Variants in ATAD2B observed in about 807,000 individuals in gnomAD.
ATAD2B encodes ATPase family AAA domain-containing protein 2B.
ATAD2B carries 40 observed loss-of-function variants against 167.6 expected under a neutral mutation model. The observed-to-expected ratio is 0.24, with a 90% CI of 0.19 to 0.31. The LOEUF (loss-of-function observed/expected upper bound fraction) is 0.31. ATAD2B is among the 10% of genes least tolerant of loss of function. ATAD2B has a pLI of 1.00. For missense variants in ATAD2B, 1,242 were observed against 1,757.2 expected (o/e 0.71, Z 5.24); for synonymous variants, 579 against 596.5 (o/e 0.97, Z 0.43).
chr2:23,723,207 C>A, the ATAD2B span, among the ~76,000 whole-genome samples: 1 of 152,104 alleles, frequency 6.6e-6, no homozygotes, highest in Non-Finnish European at 1.5e-5. Flanking sequence ...ATGTGAGAAT[C>A]ACCTGAGGCC....
chr2:23,881,214 G>A (rs1697835418), intron 6 of ATAD2B, among the ~76,000 whole-genome samples: 1 of 152,164 alleles, frequency 6.6e-6, no homozygotes, highest in South Asian at 2.1e-4. Flanking sequence ...TGTTGGCAGT[G>A]TAATGATTTG....
At chr2:23,844,379 G>A (rs1399091186) in intron 13 of ATAD2B, among the ~76,000 whole-genome samples, 4 of 149,038 alleles carry the variant, frequency 2.7e-5, no homozygotes, top group Admixed American at 6.7e-5. Flanking sequence ...CACTCAACAA[G>A]GTAAAAGTTA....
intron 22 of ATAD2B, among the ~76,000 whole-genome samples, chr2:23,781,555 C>G (rs1399011729): frequency 6.6e-6 from 1 of 151,798 alleles, no homozygotes; most frequent in Non-Finnish European, 1.5e-5. Flanking sequence ...ATCCCAGCTA[C>G]TCGGGAGGCT....
At chr2:23,834,600 G>C (rs945558341) in intron 13 of ATAD2B, among the ~76,000 whole-genome samples, 2 of 151,556 alleles carry the variant, frequency 1.3e-5, no homozygotes, top group African/African-American at 4.9e-5. Context: ...AAAAAAAATG[G>C]ACTTCATCAA....
At chr2:23,791,409 C>A (rs1681694103) in intron 19 of ATAD2B, among the ~76,000 whole-genome samples, 1 of 151,886 alleles carries the variant, frequency 6.6e-6, no homozygotes, top group Non-Finnish European at 1.5e-5. Context: ...TTTCTATATC[C>A]TTGCCAATAC....
intron 20 of ATAD2B, among the ~76,000 whole-genome samples, chr2:23,787,775 T>C (rs774640458): frequency 1.3e-5 from 2 of 152,004 alleles, no homozygotes; most frequent in Non-Finnish European, 2.9e-5. Flanking sequence ...CCAAACAGGA[T>C]TGCTACTTCC....
intron 13 of ATAD2B, among the ~76,000 whole-genome samples, chr2:23,842,303 AT>A (rs1198531125): frequency 3.3e-5 from 5 of 152,216 alleles, no homozygotes; most frequent in Non-Finnish European, 7.3e-5. Flanking sequence ...TACTCTAGAA[AT>A]TCAAACCTGC....
At chr2:23,739,089 C>A in the ATAD2B span, among the ~76,000 whole-genome samples, 9 of 152,140 alleles carry the variant, frequency 5.9e-5, no homozygotes, top group African/African-American at 1.4e-4. Context: ...ACACTCCCAC[C>A]CAATAATAAT....
At position 23,749,408 on chromosome 2, in the gene ATAD2B, T is replaced by G. The variant is rs1675122072; in HGVS notation, c.*2638A>C. 6.6e-6 allele frequency: 1 copy of G among 152,154 alleles called. No individual in the cohort carries two copies. Among genetic ancestry groups the G allele is most frequent in the South Asian group, 2.1e-4 (1 of 4,832 alleles). 9.4% of individuals were successfully genotyped at this position (152,154 alleles called of 1,614,324 possible). A position where few individuals can be genotyped will look rare whatever the true frequency, so the allele number is the denominator to read the frequency against. On this transcript the variant is annotated 3_prime_UTR_variant, in exon 28 of 28. Transcript: ENST00000238789. ...ATAGGAAATAAGAACAGAGGTCAAT[T>G]TGTACATATTTTTGCCAATGCTATA...
chr2:23,803,781 T>G (rs1558559865), intron 18 of ATAD2B, among the ~76,000 whole-genome samples: 2 of 152,166 alleles, frequency 1.3e-5, no homozygotes, highest in East Asian at 3.9e-4. Flanking sequence ...CAATATCAAG[T>G]AGGGTCTCCC....
At chr2:23,754,387 A>G in intron 26 of ATAD2B, 80 bp from the exon 27 acceptor site, 1 of 1,359,828 alleles carries the variant, frequency 7.4e-7, no homozygotes, top group Non-Finnish European at 1.0e-6. Flanking sequence ...TGGCTAGTCA[A>G]TAAACACCAT....
At chr2:23,875,055 C>CA (rs66995474) in intron 8 of ATAD2B, among the ~76,000 whole-genome samples, 105,568 of 127,292 alleles carry the variant, frequency 0.83, 43,668 homozygotes, top group East Asian at 0.92. Flanking sequence ...GATTCCATCT[C>CA]AAAAAAAAAA....
At chr2:23,753,812 G>C (rs1429924152) in intron 27 of ATAD2B, among the ~76,000 whole-genome samples, 3 of 152,104 alleles carry the variant, frequency 2.0e-5, no homozygotes, top group Non-Finnish European at 2.9e-5. Context: ...GCAGTGATAA[G>C]GAGTGTGGGG....
At chr2:23,748,514 T>C (rs1387449753), downstream of ATAD2B, 2 of 152,116 alleles carry the variant, frequency 1.3e-5, no homozygotes, top group Non-Finnish European at 1.5e-5. Flanking sequence ...AATCGTGAGG[T>C]GTACTTAAAA....
the ATAD2B span, among the ~76,000 whole-genome samples, chr2:23,702,479 T>G: frequency 6.6e-6 from 1 of 152,208 alleles, no homozygotes; most frequent in Non-Finnish European, 1.5e-5. Context: ...CTGTCTGCAC[T>G]ATAAATTCTC....
intron 17 of ATAD2B, among the ~76,000 whole-genome samples, chr2:23,813,866 A>G: frequency 6.6e-6 from 1 of 152,206 alleles, no homozygotes. Flanking sequence ...AAATTAAAAG[A>G]TTCATTTATT....
chr2:23,784,507 G>A (rs996256720), intron 21 of ATAD2B, among the ~76,000 whole-genome samples: 2 of 151,942 alleles, frequency 1.3e-5, no homozygotes, highest in Admixed American at 1.3e-4. Flanking sequence ...TCCCCTTACC[G>A]TCATTTATAA....
intron 8 of ATAD2B, chr2:23,872,310 C>G (rs913635672): frequency 5.5e-6 from 3 of 550,000 alleles, no homozygotes; most frequent in Non-Finnish European, 1.0e-5. Context: ...CTTCATCCCC[C>G]AGGAACTGCA....
At chr2:23,872,255 G>C (rs1696103932) in intron 8 of ATAD2B, 1 of 443,264 alleles carries the variant, frequency 2.3e-6, no homozygotes. Context: ...CACGATCATA[G>C]CTAAGAGCAG....
Sources: allele counts gnomAD v4.1 joint callset (sites outside exome capture counted in the v4.1 genomes callset), GRCh38; gene constraint gnomAD v4.1.1; transcripts MANE v1.5; gene names NCBI Gene and HGNC (gene_info 2026-07-23, HGNC 2026-07-21).